DRC8: variants seen among roughly 807,000 people sequenced by gnomAD.
DRC8 encodes dynein regulatory complex subunit 8.
chr1:245,039,849 G>T, the DRC8 span, among the ~76,000 whole-genome samples: 1 of 152,198 alleles, frequency 6.6e-6, no homozygotes, highest in African/African-American at 2.4e-5. Context: ...AAGTGAGTTT[G>T]TGCCCTTCTC....
At chr1:245,114,800 G>A in the DRC8 span, among the ~76,000 whole-genome samples, 1 of 152,192 alleles carries the variant, frequency 6.6e-6, no homozygotes, top group Non-Finnish European at 1.5e-5. Flanking sequence ...ATCTTGGCTC[G>A]GTGCAACCTC....
chr1:245,026,564 A>G, the DRC8 span, among the ~76,000 whole-genome samples: 239 of 152,308 alleles, frequency 1.6e-3, 1 homozygote, highest in African/African-American at 5.2e-3. Flanking sequence ...ACTGTTATCG[A>G]TACTGGGTCT....
the DRC8 span, among the ~76,000 whole-genome samples, chr1:245,018,657 C>T: frequency 3.5e-4 from 53 of 151,884 alleles, no homozygotes; most frequent in African/African-American, 1.3e-3. Context: ...CTCCTGGGGG[C>T]GGGGGACAGA....
chr1:245,095,787 A>G, the DRC8 span, among the ~76,000 whole-genome samples: 19 of 151,456 alleles, frequency 1.3e-4, no homozygotes, highest in African/African-American at 4.1e-4. Context: ...TCTTAATTTA[A>G]TTGTTCACTT....
the DRC8 span, chr1:245,023,123 CA>C: frequency 6.6e-6 from 1 of 152,186 alleles, no homozygotes; most frequent in Non-Finnish European, 1.5e-5. Context: ...TTTTAAAATA[CA>C]AACAAACAAT....
At chr1:245,042,016 G>T in the DRC8 span, among the ~76,000 whole-genome samples, 2 of 152,184 alleles carry the variant, frequency 1.3e-5, no homozygotes, top group African/African-American at 2.4e-5. Flanking sequence ...ATAGAGCTAT[G>T]ACAATCATGG....
chr1:244,998,715 CA>C, the DRC8 span, among the ~76,000 whole-genome samples: 1 of 152,158 alleles, frequency 6.6e-6, no homozygotes, highest in Non-Finnish European at 1.5e-5. Context: ...GGGCAGGAAG[CA>C]AAGAGGCCCA....
At chr1:245,045,771 TCGGTCTG>T in the DRC8 span, among the ~76,000 whole-genome samples, 1 of 75,678 alleles carries the variant, frequency 1.3e-5, no homozygotes, top group Admixed American at 1.2e-4. Flanking sequence ...ACAGCAGCCA[TCGGTCTG>T]ACTGGTTGTG....
At chr1:245,056,165 C>T in the DRC8 span, among the ~76,000 whole-genome samples, 1 of 152,220 alleles carries the variant, frequency 6.6e-6, no homozygotes, top group African/African-American at 2.4e-5. Context: ...AAGGCATTCT[C>T]CACCCTCCAG....
the DRC8 span, among the ~76,000 whole-genome samples, chr1:245,092,204 G>A: frequency 4.6e-5 from 7 of 152,192 alleles, no homozygotes; most frequent in Non-Finnish European, 8.8e-5. Context: ...GCAATGCAGA[G>A]ATTTAGTCCC....
At chr1:245,007,900 C>G in the DRC8 span, among the ~76,000 whole-genome samples, 841 of 152,256 alleles carry the variant, frequency 5.5e-3, 5 homozygotes, top group African/African-American at 0.019. Flanking sequence ...CTCAGTGGCT[C>G]ACGTGTGTAA....
chr1:245,084,700 A>G, the DRC8 span, among the ~76,000 whole-genome samples: 2 of 152,188 alleles, frequency 1.3e-5, no homozygotes, highest in Non-Finnish European at 1.5e-5. Flanking sequence ...TCTGGTTCAC[A>G]GACTGGGTCC....
chr1:245,032,037 A>T, the DRC8 span, among the ~76,000 whole-genome samples: 1 of 152,194 alleles, frequency 6.6e-6, no homozygotes, highest in African/African-American at 2.4e-5. Context: ...CTCCATCTTT[A>T]CCATGGCCAA....
At chr1:244,970,052 G>A in the DRC8 span, 13 of 628,702 alleles carry the variant, frequency 2.1e-5, no homozygotes, top group Admixed American at 3.3e-4. Flanking sequence ...GGGTGTGTGC[G>A]CGCGCGTGCT....
the DRC8 span, among the ~76,000 whole-genome samples, chr1:244,985,424 G>C: frequency 3.9e-5 from 6 of 152,302 alleles, no homozygotes; most frequent in Non-Finnish European, 8.8e-5. Context: ...GGATGTTGTG[G>C]AGAACTTCAC....
chr1:245,075,586 G>A, the DRC8 span: 1 of 152,216 alleles, frequency 6.6e-6, no homozygotes, highest in Non-Finnish European at 1.5e-5. Flanking sequence ...GGAGAAGCCA[G>A]GCGTATCAGG....
At chr1:245,016,400 C>T in the DRC8 span, among the ~76,000 whole-genome samples, 1 of 152,156 alleles carries the variant, frequency 6.6e-6, no homozygotes, top group African/African-American at 2.4e-5. Flanking sequence ...GGTTCCTTCC[C>T]CTCCTTCAGG....
At chr1:245,033,299 C>G in the DRC8 span, among the ~76,000 whole-genome samples, 3 of 152,218 alleles carry the variant, frequency 2.0e-5, no homozygotes, top group Non-Finnish European at 4.4e-5. Flanking sequence ...TATCCCTTTT[C>G]ATAACAAAGC....
At chr1:245,092,176 CCTT>C in the DRC8 span, among the ~76,000 whole-genome samples, 1 of 152,210 alleles carries the variant, frequency 6.6e-6, no homozygotes, top group Non-Finnish European at 1.5e-5. Flanking sequence ...CAGCTCTAGT[CCTT>C]CTCCCTCCTG....
Sources: allele counts gnomAD v4.1 joint callset (sites outside exome capture counted in the v4.1 genomes callset), GRCh38; gene constraint gnomAD v4.1.1; transcripts MANE v1.5; gene names NCBI Gene and HGNC (gene_info 2026-07-23, HGNC 2026-07-21).